Variants in PRODH2 observed in about 807,000 individuals in gnomAD.
The protein encoded by PRODH2 is proline dehydrogenase 2.
A neutral mutation model predicts 51.9 loss-of-function variants in PRODH2; 49 were observed. That is an observed-to-expected ratio of 0.94 (90% confidence interval 0.75 to 1.20). The LOEUF (loss-of-function observed/expected upper bound fraction) is 1.20, where lower values mean the gene tolerates loss of function less well. PRODH2 is among the 50% of genes most tolerant of loss of function. The probability of loss-of-function intolerance (pLI) is 0.00; values close to 1 mark genes in which losing one functional copy is unlikely to be tolerated. For synonymous variants in PRODH2, 249 were observed against 260.7 expected, an observed-to-expected ratio of 0.96 and a Z score of 0.43; for missense variants, 597 against 610.9, an observed-to-expected ratio of 0.98 and a Z score of 0.24.
intron 4 of PRODH2, among the ~76,000 whole-genome samples, chr19:35,809,393 T>C (rs979430755): frequency 7.9e-5 from 12 of 151,068 alleles, no homozygotes; most frequent in Admixed American, 2.0e-4. Flanking sequence ...GATTTTTTAA[T>C]TTTTTTGTAG....
intron 5 of PRODH2, 76 bp from the exon 6 acceptor site, chr19:35,806,906 G>T (rs554948237): frequency 7.3e-5 from 113 of 1,550,598 alleles, no homozygotes; most frequent in Non-Finnish European, 8.8e-5. Flanking sequence ...AGCAGGAGGG[G>T]TTACCTGTGC....
Position 35,803,040 on chromosome 19 carries a change from G to T in PRODH2, c.1040C>A (p.Ala347Asp), listed in dbSNP as rs1248904764. ...RCLELMLTHVARHGPMCHLMV... is the reference protein window; with the variant it reads ...RCLELMLTHVDRHGPMCHLMV... Reference sequence around the variant, plus strand: ...GAGGTGGCACATGGGGCCATGGCGGGCCACGTGCGTCAGCATCAGTTCCAG... The same window carrying T: ...GAGGTGGCACATGGGGCCATGGCGGTCCACGTGCGTCAGCATCAGTTCCAG... Residue 347 changes from alanine to aspartate, a missense_variant, in exon 8 of 10, where the codon GCC becomes GAC. Transcript: ENST00000653904. The T allele has an allele frequency of 1.3e-6, 2 of 1,569,284 alleles. No individual in the cohort carries two copies. The highest frequency in any genetic ancestry group is 1.8e-5 in the Admixed American group (1 of 54,578).
In PRODH2 at chr19:35,806,674, C is replaced by T. The variant is rs757540122; in HGVS notation, c.834+1G>A. Reference sequence around the variant, plus strand: ...TGTACCTCCTGGAACACACTGCACACCTTTAGACAGGCCTGGTAGGTGTTC... The same window carrying T: ...TGTACCTCCTGGAACACACTGCACATCTTTAGACAGGCCTGGTAGGTGTTC... On this transcript the variant is annotated splice_donor_variant, in intron 6 of 9. Transcript: ENST00000653904. LOFTEE classifies it high-confidence loss of function. 15 of 1,614,154 alleles carry T rather than the reference C, an allele frequency of 9.3e-6. No individual in the cohort carries two copies. Among genetic ancestry groups the T allele is most frequent in the Non-Finnish European group, 1.3e-5 (15 of 1,179,998 alleles).
chr19:35,811,947 G>A lies in PRODH2; in HGVS notation c.597+15C>T, dbSNP rs753199441. ...AAGGCACTCTGTCCCCGACAGTCCC[G>A]CTTGAGATCCTTACCTGCCCAGAGT... is the stretch of plus-strand genomic sequence containing the variant. On this transcript the variant is annotated intron_variant, in intron 4 of 9. Coordinates refer to ENST00000653904, the MANE Select transcript of PRODH2 (RefSeq NM_021232.2). 1.1e-5 allele frequency: 17 copies of A among 1,612,736 alleles called. No individual in the cohort carries two copies. In the East Asian group the frequency reaches 1.6e-4, roughly 15 times the overall value.
At position 35,807,475 on chromosome 19, in the gene PRODH2, G is replaced by A. The variant is rs138337161; in HGVS notation, c.598-354C>T. Among the ~76,000 whole-genome samples, 265 of 151,862 alleles carry A rather than the reference G, an allele frequency of 1.7e-3. 2 individuals carry two copies. The highest frequency in any genetic ancestry group is 6.0e-3 in the African/African-American group (249 of 41,426). On this transcript the variant is annotated intron_variant, in intron 4 of 9. Coordinates refer to ENST00000653904, the MANE Select transcript of PRODH2 (RefSeq NM_021232.2). Reference sequence around the variant, plus strand: ...CCGCCACCATGCCCGGCTAATATTTGTACTTTTAGTAGAGACAGGGTTTAA... The same window carrying A: ...CCGCCACCATGCCCGGCTAATATTTATACTTTTAGTAGAGACAGGGTTTAA...
intron 4 of PRODH2, among the ~76,000 whole-genome samples, chr19:35,809,026 C>A (rs1160938624): frequency 1.3e-5 from 2 of 150,804 alleles, no homozygotes; most frequent in African/African-American, 4.9e-5. Flanking sequence ...GTGATCCAGC[C>A]CCACTTAGCC....
chr19:35,806,919 C>T, intron 5 of PRODH2, 89 bp from the exon 6 acceptor site: 1 of 1,549,078 alleles, frequency 6.5e-7, no homozygotes, highest in Non-Finnish European at 8.7e-7. Flanking sequence ...ACCTGTGCCA[C>T]CCGATGCAGG....
At chr19:35,802,721 G>GTT (rs547786010) in intron 8 of PRODH2, among the ~76,000 whole-genome samples, 23 of 144,994 alleles carry the variant, frequency 1.6e-4, no homozygotes, top group Admixed American at 6.9e-5. Context: ...ACACCCAGCT[G>GTT]TTTTTTTTTT....
At chr19:35,802,170 G>A (rs761369393) in intron 9 of PRODH2, 21 bp downstream of exon 9, 1 of 1,610,216 alleles carries the variant, frequency 6.2e-7, no homozygotes, top group East Asian at 2.2e-5. Context: ...CTTGATGGGG[G>A]TGGGGGAGCC....
At chr19:35,804,521 G>C (rs1247197982) in intron 7 of PRODH2, among the ~76,000 whole-genome samples, 1 of 152,254 alleles carries the variant, frequency 6.6e-6, no homozygotes, top group East Asian at 1.9e-4. Flanking sequence ...CTGAAGCTGA[G>C]AGGGGTTCTA....
rs555151169 is a variant in PRODH2, at chr19:35,807,593, G to A, written c.598-472C>T. Among the ~76,000 whole-genome samples the A allele has an allele frequency of 5.3e-4, 80 of 151,948 alleles. 1 individual carries two copies. The highest frequency in any genetic ancestry group is 8.5e-4 in the Non-Finnish European group (58 of 67,962). ...GCTGGGATTACAGGTGTGAGCCACC[G>A]TGCTCAGCCCTCCCTGCTACTCTTT... On this transcript the variant is annotated intron_variant, in intron 4 of 9. Coordinates refer to ENST00000653904, the MANE Select transcript of PRODH2 (RefSeq NM_021232.2).
intron 7 of PRODH2, 132 bp from the exon 8 acceptor site, chr19:35,803,210 G>A (rs760663227): frequency 3.7e-5 from 18 of 488,824 alleles, no homozygotes; most frequent in Non-Finnish European, 5.6e-5. Context: ...AGTTGTAAGG[G>A]ACATCACTTC....
chr19:35,810,021 A>T (rs1479036226), intron 4 of PRODH2, among the ~76,000 whole-genome samples: 2 of 141,276 alleles, frequency 1.4e-5, no homozygotes, highest in Non-Finnish European at 3.0e-5. Flanking sequence ...TAATCCCAGC[A>T]CTTTGGGAGG....
intron 5 of PRODH2, 29 bp from the exon 6 acceptor site, chr19:35,806,859 C>A: frequency 6.4e-7 from 1 of 1,567,090 alleles, no homozygotes; most frequent in Non-Finnish European, 8.6e-7. Context: ...ACGGTCAGGG[C>A]CCCGGGTGTC....
At chr19:35,811,904 G>A in intron 4 of PRODH2, 58 bp downstream of exon 4, 1 of 1,524,350 alleles carries the variant, frequency 6.6e-7, no homozygotes, top group Non-Finnish European at 9.1e-7. Context: ...GGCGTGCGGT[G>A]TGGCCGCATC....
At chr19:35,802,632 G>T (rs1380236446) in intron 8 of PRODH2, among the ~76,000 whole-genome samples, 1 of 152,118 alleles carries the variant, frequency 6.6e-6, no homozygotes, top group Non-Finnish European at 1.5e-5. Flanking sequence ...CTCAAGCACT[G>T]CTCACTGCAG....
At chr19:35,806,984 C>T in intron 5 of PRODH2, 57 bp downstream of exon 5, 1 of 1,545,562 alleles carries the variant, frequency 6.5e-7, no homozygotes, top group Non-Finnish European at 8.7e-7. Context: ...ACCTGTGCCA[C>T]CCAATGCAGG....
At chr19:35,807,295 C>G (rs541222009) in intron 4 of PRODH2, among the ~76,000 whole-genome samples, 174 bp from the exon 5 acceptor site, 4 of 152,056 alleles carry the variant, frequency 2.6e-5, no homozygotes, top group Non-Finnish European at 5.9e-5. Flanking sequence ...CCTTTCTGGG[C>G]CTCAGTTTTT....
Position 35,807,041 on chromosome 19 carries a change from C to A in PRODH2, c.678G>T (p.Gln226His), listed in dbSNP as rs773965993. 1 of 1,551,030 alleles carries A rather than the reference C, an allele frequency of 6.4e-7. No homozygotes were observed. Among genetic ancestry groups the A allele is most frequent in the South Asian group, 1.2e-5 (1 of 84,064 alleles). ...TGCTGGTTCCAGCAGGAGGGGTTAC[C>A]TGTGCCACCCGATGCAGGCGGCTGA... is the stretch of plus-strand genomic sequence containing the variant. ...ASLSRLHRVA[Q>H]YARAQHVRLL... The change falls in exon 5 of 10, where the codon CAG (glutamine) becomes CAT (histidine). Residue 226 changes from glutamine to histidine, a missense_variant and splice_region_variant. Transcript: ENST00000653904.
Sources: gnomAD v4.1 joint callset for allele counts (sites outside exome capture counted in the v4.1 genomes callset) on GRCh38, gnomAD v4.1.1 for gene constraint, MANE v1.5 for transcripts, NCBI Gene and HGNC (gene_info 2026-07-23, HGNC 2026-07-21) for gene names.